COPS4: variants seen among roughly 807,000 people sequenced by gnomAD.
COPS4 encodes the protein COP9 signalosome subunit 4, also known as COP9 signalosome complex subunit 4.
A neutral mutation model predicts 55.1 loss-of-function variants in COPS4; 8 were observed. That is an observed-to-expected ratio of 0.15 (90% CI 0.09 to 0.26). The LOEUF (loss-of-function observed/expected upper bound fraction) is 0.26, where lower values mean the gene tolerates loss of function less well. Among genes scored for constraint, COPS4 ranks in the 10% least tolerant of loss-of-function variants. The pLI, the probability that COPS4 is intolerant of heterozygous loss-of-function variation, is 1.00. For missense variants in COPS4, 248 were observed against 484.0 expected (o/e 0.51, Z 4.58); for synonymous variants, 185 against 165.7 (o/e 1.12, Z -0.90).
chr4:83,047,249 A>T (rs1029187766), intron 2 of COPS4, among the ~76,000 whole-genome samples: 4 of 152,162 alleles, frequency 2.6e-5, no homozygotes, highest in African/African-American at 9.7e-5. Context: ...TATAACTTTG[A>T]TCTTGGCTGG....
intron 2 of COPS4, among the ~76,000 whole-genome samples, chr4:83,048,032 T>G (rs1730766866): frequency 6.6e-6 from 1 of 151,944 alleles, no homozygotes; most frequent in Non-Finnish European, 1.5e-5. Context: ...TAAAAAAGAC[T>G]TGAATAATTT....
intron 6 of COPS4, among the ~76,000 whole-genome samples, chr4:83,058,008 A>G (rs1193032458): frequency 6.6e-6 from 1 of 151,708 alleles, no homozygotes; most frequent in Admixed American, 6.6e-5. Flanking sequence ...CTTGAGAATT[A>G]CGCAGAGTGA....
rs1275185253 is a variant in COPS4, at chr4:83,053,853, G to A, written c.411-3073G>A. 2.0e-3 allele frequency among the ~76,000 whole-genome samples: 66 copies of A among 33,806 alleles called. 5 individuals are homozygous for A. The highest frequency in any genetic ancestry group is 0.016 in the Middle Eastern group (1 of 64). 22.2% of individuals were successfully genotyped at this position (33,806 alleles called of 152,430 possible). On this transcript the variant is annotated intron_variant, in intron 4 of 9. Transcript: ENST00000264389. ...AGACTCTGTCTCAAAAAAAAAAAAA[G>A]ATGGTTTATAACTCTTACTCAACCA...
intron 1 of COPS4, among the ~76,000 whole-genome samples, chr4:83,037,281 A>T (rs1578699858): frequency 6.6e-6 from 1 of 152,196 alleles, no homozygotes; most frequent in South Asian, 2.1e-4. Flanking sequence ...GTACTGGTCA[A>T]AGTAAATCAG....
At chr4:83,045,044 T>C (rs942760308) in intron 1 of COPS4, among the ~76,000 whole-genome samples, 1 of 152,208 alleles carries the variant, frequency 6.6e-6, no homozygotes, top group African/African-American at 2.4e-5. Context: ...ATAAATGGTA[T>C]TCTATCAGTG....
chr4:83,074,893 C>G (rs1428768796), intron 9 of COPS4, among the ~76,000 whole-genome samples: 1 of 151,572 alleles, frequency 6.6e-6, no homozygotes, highest in Non-Finnish European at 1.5e-5. Context: ...CAGGCCAAGG[C>G]GGGTGGATCA....
At chr4:83,074,710 TGGCCG>T (rs1185391569) in intron 9 of COPS4, among the ~76,000 whole-genome samples, 3 of 151,890 alleles carry the variant, frequency 2.0e-5, no homozygotes, top group Non-Finnish European at 4.4e-5. Context: ...TTTGCCATGT[TGGCCG>T]GGCTGGTCTC....
chr4:83,045,760 A>G (rs1730693636), intron 2 of COPS4, 55 bp downstream of exon 2: 4 of 1,113,588 alleles, frequency 3.6e-6, no homozygotes, highest in Admixed American at 1.9e-5. Flanking sequence ...AGGACTTTAA[A>G]GTTCTCTCAA....
intron 4 of COPS4, among the ~76,000 whole-genome samples, chr4:83,052,302 T>G (rs1236112097): frequency 6.6e-6 from 1 of 152,178 alleles, no homozygotes; most frequent in African/African-American, 2.4e-5. Flanking sequence ...GGGAGAGGAT[T>G]CTTGCAGGAG....
Position 83,075,458 on chromosome 4 carries a change from C to T in COPS4, c.*28C>T. ...CCTTGCAGAACTTCTGTGCACATGA[C>T]ATCTTTTTCCATGTTGTGCAGATCA... On this transcript the variant is annotated 3_prime_UTR_variant, in exon 10 of 10. Coordinates refer to ENST00000264389, the MANE Select transcript of COPS4 (RefSeq NM_016129.3). The T allele has an allele frequency of 2.5e-6, 4 of 1,612,876 alleles. No individual in the cohort carries two copies. Among genetic ancestry groups the T allele is most frequent in the Non-Finnish European group, 3.4e-6 (4 of 1,179,346 alleles).
At chr4:83,059,136 C>G (rs960055697) in intron 6 of COPS4, among the ~76,000 whole-genome samples, 1 of 150,490 alleles carries the variant, frequency 6.6e-6, no homozygotes, top group African/African-American at 2.4e-5. Flanking sequence ...AGTTGTTTGT[C>G]CTTTCTTGGT....
At chr4:83,041,809 A>G (rs1478493564) in intron 1 of COPS4, among the ~76,000 whole-genome samples, 2 of 149,956 alleles carry the variant, frequency 1.3e-5, no homozygotes, top group Non-Finnish European at 3.0e-5. Flanking sequence ...CATTTATCAT[A>G]TTGCTTATAT....
chr4:83,050,502 G>T (rs945396119), intron 4 of COPS4, among the ~76,000 whole-genome samples: 5 of 152,044 alleles, frequency 3.3e-5, no homozygotes, highest in East Asian at 1.9e-4. Flanking sequence ...TGTTTACTAG[G>T]TTTCACCATG....
At chr4:83,053,306 A>G (rs6813926) in intron 4 of COPS4, among the ~76,000 whole-genome samples, 151,641 of 152,332 alleles carry the variant, frequency 1, 75,476 homozygotes, top group Middle Eastern at 1. Flanking sequence ...CCACAGTTGC[A>G]ATTTTTGCCT....
intron 6 of COPS4, among the ~76,000 whole-genome samples, chr4:83,059,639 A>T (rs1051265897): frequency 3.4e-4 from 51 of 151,686 alleles, no homozygotes; most frequent in African/African-American, 1.1e-3. Context: ...TATGTTTAAA[A>T]TTTTTTTTCA....
chr4:83,038,307 T>C (rs1730476541), intron 1 of COPS4, among the ~76,000 whole-genome samples: 1 of 152,240 alleles, frequency 6.6e-6, no homozygotes, highest in Non-Finnish European at 1.5e-5. Context: ...TAGGTGATAG[T>C]AGTGATATTA....
chr4:83,052,049 A>G (rs545166475), intron 4 of COPS4, among the ~76,000 whole-genome samples: 1 of 152,190 alleles, frequency 6.6e-6, no homozygotes, highest in Non-Finnish European at 1.5e-5. Flanking sequence ...TTAGTAGTGT[A>G]GAGGCCACTG....
At chr4:83,060,186 CTT>C (rs70943198) in intron 6 of COPS4, among the ~76,000 whole-genome samples, 12 of 139,874 alleles carry the variant, frequency 8.6e-5, no homozygotes, top group Admixed American at 1.4e-4. Flanking sequence ...TGGTATAGTT[CTT>C]TTTTTTTTTT....
intron 6 of COPS4, among the ~76,000 whole-genome samples, chr4:83,060,288 A>C (rs1193471489): frequency 7.4e-6 from 1 of 134,842 alleles, no homozygotes; most frequent in Non-Finnish European, 1.5e-5. Context: ...GGTTCACGCC[A>C]TTCTCCTGCC....
Sources: allele counts gnomAD v4.1 joint callset (sites outside exome capture counted in the v4.1 genomes callset), GRCh38; gene constraint gnomAD v4.1.1; transcripts MANE v1.5; gene names NCBI Gene and HGNC (gene_info 2026-07-23, HGNC 2026-07-21).